PROM1: variants seen among roughly 807,000 people sequenced by gnomAD.
PROM1 encodes the protein prominin-1.
PROM1 carries 105 observed loss-of-function variants against 116.9 expected under a neutral mutation model. That is an observed-to-expected ratio of 0.90 (90% CI 0.77 to 1.06). PROM1 has a LOEUF of 1.06. PROM1 is among the 50% of genes least tolerant of loss of function. PROM1 has a pLI of 0.00. For missense variants in PROM1, 1,122 were observed against 1,045.2 expected, an observed-to-expected ratio of 1.07 and a Z score of -1.01; for synonymous variants, 393 against 387.0, an observed-to-expected ratio of 1.02 and a Z score of -0.18.
chr4:16,056,205 G>A (rs573639123), intron 2 of PROM1, among the ~76,000 whole-genome samples: 4 of 152,288 alleles, frequency 2.6e-5, no homozygotes, highest in Admixed American at 6.5e-5. Flanking sequence ...GCAGTCGGCC[G>A]CTTGGGTGTA....
intron 2 of PROM1, among the ~76,000 whole-genome samples, chr4:16,050,273 C>G (rs1453023422): frequency 6.7e-6 from 1 of 149,114 alleles, no homozygotes; most frequent in Non-Finnish European, 1.5e-5. Flanking sequence ...AAAAAAAAAC[C>G]ACACACACAC....
chr4:15,993,245 C>T (rs1027153650), intron 16 of PROM1, among the ~76,000 whole-genome samples: 3 of 152,152 alleles, frequency 2.0e-5, no homozygotes, highest in African/African-American at 7.2e-5. Flanking sequence ...CCTTGGGATC[C>T]CTTTGTTTCT....
chr4:16,028,521 A>T (rs1052840904), intron 5 of PROM1, among the ~76,000 whole-genome samples: 1 of 152,232 alleles, frequency 6.6e-6, no homozygotes, highest in Non-Finnish European at 1.5e-5. Context: ...AGACCAACTG[A>T]TGGTCTCCAT....
chr4:16,066,120 T>G (rs986727383), intron 2 of PROM1, among the ~76,000 whole-genome samples: 1 of 152,204 alleles, frequency 6.6e-6, no homozygotes, highest in Non-Finnish European at 1.5e-5. Flanking sequence ...GATTTTAGAC[T>G]TCCTGCCTAC....
rs542388218 is a variant in PROM1 at position 16,083,025 on chromosome 4, T to G, written c.-213+953A>C. Among the ~76,000 whole-genome samples the G allele has an allele frequency of 3.3e-5, 5 of 151,786 alleles. No individual in the cohort carries two copies. The South Asian group carries it at 6.3e-4, about 19-fold the overall frequency. The stretch of plus-strand genomic sequence containing the variant: ...TGGAGCGAGAGGCTGGGAAGGTGCT[T>G]CAAGCCAGGGGTGCATGCTTTCTCC... On this transcript the variant is annotated intron_variant, in intron 1 of 27. Transcript: ENST00000447510.
chr4:16,041,379 C>T (rs188747758), intron 2 of PROM1, among the ~76,000 whole-genome samples: 110 of 152,306 alleles, frequency 7.2e-4, no homozygotes, highest in African/African-American at 2.6e-3. Context: ...ACATAAAGCT[C>T]TTTCATATAC....
intron 2 of PROM1, among the ~76,000 whole-genome samples, chr4:16,071,251 G>C (rs1288618251): frequency 6.6e-6 from 1 of 152,174 alleles, no homozygotes. Flanking sequence ...CCAGCAAGGT[G>C]TACCGCAGAA....
chr4:16,016,077 G>A (rs1728306959), intron 10 of PROM1, 89 bp downstream of exon 10: 2 of 1,173,380 alleles, frequency 1.7e-6, no homozygotes, highest in Non-Finnish European at 2.4e-6. Flanking sequence ...GAATTTCACT[G>A]CTTTTTTGCT....
chr4:16,024,480 T>G (rs1263287057), intron 6 of PROM1, 122 bp from the exon 7 acceptor site: 3 of 748,838 alleles, frequency 4.0e-6, no homozygotes, highest in African/African-American at 3.6e-5. Context: ...ACCAGCAAGT[T>G]CCTAGAAACC....
intron 2 of PROM1, among the ~76,000 whole-genome samples, chr4:16,072,507 T>A (rs914764157): frequency 6.6e-6 from 1 of 152,214 alleles, no homozygotes; most frequent in African/African-American, 2.4e-5. Flanking sequence ...ACCAACTCCA[T>A]CTTGCTTCTA....
intron 1 of PROM1, among the ~76,000 whole-genome samples, chr4:16,082,947 G>GT (rs1462400439): frequency 6.6e-6 from 1 of 151,920 alleles, no homozygotes; most frequent in Non-Finnish European, 1.5e-5. Context: ...GAGCACCCCA[G>GT]TTCTCCATCT....
chr4:15,979,373 G>A, intron 26 of PROM1, 22 bp downstream of exon 26: 1 of 1,613,678 alleles, frequency 6.2e-7, no homozygotes, highest in Non-Finnish European at 8.5e-7. Flanking sequence ...GGGCGGGCAT[G>A]CACTTCCAGA....
chr4:16,077,121 G>A (rs1001796415), intron 1 of PROM1, among the ~76,000 whole-genome samples: 2 of 152,182 alleles, frequency 1.3e-5, no homozygotes, highest in African/African-American at 4.8e-5. Context: ...ATAAGAGGAA[G>A]GCATGCCTCT....
At chr4:16,058,650 G>GAA (rs74677849) in intron 2 of PROM1, among the ~76,000 whole-genome samples, 103 of 129,790 alleles carry the variant, frequency 7.9e-4, no homozygotes, top group African/African-American at 2.6e-3. Context: ...CCATCTCCGG[G>GAA]AAAAAAAAAA....
Position 16,000,639 on chromosome 4 carries a change from T to C in PROM1, c.1455-20A>G, listed in dbSNP as rs372417841. The C allele has an allele frequency of 1.3e-6, 2 of 1,522,304 alleles. No individual in the cohort carries two copies. Among genetic ancestry groups the C allele is most frequent in the African/African-American group, 2.8e-5 (2 of 72,338 alleles). The allele number at this position is 1,522,304 out of a possible 1,614,324, so 94.3% of individuals were successfully genotyped here. On this transcript the variant is annotated intron_variant, in intron 13 of 27. Transcript: ENST00000447510. ...ACTCCACTGGAAAAAAATATAAAGT[T>C]AGTAATTCAACAAAGAATGATTCAA...
intron 14 of PROM1, among the ~76,000 whole-genome samples, chr4:15,999,816 T>C (rs1006920421): frequency 5.4e-5 from 8 of 149,390 alleles, no homozygotes; most frequent in East Asian, 3.9e-4. Context: ...AAGAGTGAAA[T>C]AGAAATATAT....
intron 16 of PROM1, 111 bp downstream of exon 16, chr4:15,993,876 T>C (rs1577899894): frequency 4.0e-6 from 6 of 1,508,172 alleles, no homozygotes; most frequent in Non-Finnish European, 5.3e-6. Flanking sequence ...CACTTTTAAA[T>C]AGTTAATTTT....
intron 2 of PROM1, among the ~76,000 whole-genome samples, chr4:16,067,184 G>A (rs1021436319): frequency 2.0e-5 from 3 of 152,198 alleles, no homozygotes; most frequent in Admixed American, 6.5e-5. Flanking sequence ...GGTGCAGCAC[G>A]GAGGGAAGAG....
rs779664417 is a variant in PROM1, at chr4:16,006,548, A to G, written c.1444T>C (p.Phe482Leu). ...RGCVSNTGGV[F>L]LMVGVGLSFL... is the part of the protein sequence containing the mutation. ...GGAGCAGACACTCACACCATGAGGA[A>G]GACGCCTCCGGTGTTGGAGACACAG... is the stretch of plus-strand genomic sequence containing the variant. The change falls in exon 13 of 28, where the codon TTC becomes CTC. Residue 482 changes from phenylalanine (F) to leucine (L), a missense_variant. Coordinates refer to ENST00000447510, the MANE Select transcript of PROM1 (RefSeq NM_006017.3). 1 of 1,592,034 alleles carries G rather than the reference A, an allele frequency of 6.3e-7. No individual in the cohort carries two copies. Among genetic ancestry groups the G allele is most frequent in the Non-Finnish European group, 8.5e-7 (1 of 1,169,784 alleles).
Sources: allele counts gnomAD v4.1 joint callset (sites outside exome capture counted in the v4.1 genomes callset), GRCh38; gene constraint gnomAD v4.1.1; transcripts MANE v1.5; gene names NCBI Gene and HGNC (gene_info 2026-07-23, HGNC 2026-07-21).